The following DCC variants were observed in gnomAD, a reference collection of about 807,000 sequenced individuals.
The protein encoded by DCC is netrin receptor DCC.
Under a neutral mutation model 172.5 loss-of-function variants are expected in DCC, and 58 were observed. That is an observed-to-expected ratio of 0.34 (90% CI 0.27 to 0.42). The LOEUF is 0.42. Ranked by LOEUF, DCC falls within the 10% of genes least tolerant of loss-of-function variation. DCC has a pLI of 1.00. For synonymous variants in DCC, 709 were observed against 644.5 expected (o/e 1.10, Z -1.52); for missense variants, 1,740 against 1,791.0 (o/e 0.97, Z 0.51).
intron 5 of DCC, among the ~76,000 whole-genome samples, chr18:53,012,602 T>C (rs931577613): frequency 1.3e-5 from 2 of 152,078 alleles, no homozygotes; most frequent in South Asian, 4.1e-4. Context: ...TATACATAAA[T>C]ATACACACAC....
chr18:53,151,244 G>T (rs780004948), intron 7 of DCC, among the ~76,000 whole-genome samples: 3 of 152,176 alleles, frequency 2.0e-5, no homozygotes, highest in Admixed American at 1.3e-4. Context: ...AAACAGAATA[G>T]AAATCATTTA....
chr18:52,365,203 A>C, intron 1 of DCC, among the ~76,000 whole-genome samples: 1 of 152,322 alleles, frequency 6.6e-6, no homozygotes, highest in East Asian at 1.9e-4. Flanking sequence ...GTTTGGAAGA[A>C]GAGTGCTTTG....
intron 7 of DCC, among the ~76,000 whole-genome samples, chr18:53,109,091 T>A (rs2018688250): frequency 6.6e-6 from 1 of 151,470 alleles, no homozygotes; most frequent in Admixed American, 6.6e-5. Context: ...TTAGCCATTT[T>A]ATGGGCAGGT....
intron 12 of DCC, among the ~76,000 whole-genome samples, chr18:53,267,100 ACT>A (rs74180414): frequency 0.025 from 3,430 of 138,474 alleles, 135 homozygotes; most frequent in African/African-American, 0.078. Flanking sequence ...ACACACACAC[ACT>A]CTCTCTCTCA....
intron 8 of DCC, among the ~76,000 whole-genome samples, chr18:53,159,010 A>T (rs2054793541): frequency 6.8e-6 from 1 of 146,944 alleles, no homozygotes; most frequent in Admixed American, 6.7e-5. Flanking sequence ...AAAAAAGAAG[A>T]AGATGTAGGC....
At chr18:52,643,690 G>A (rs745665275) in intron 1 of DCC, among the ~76,000 whole-genome samples, 1 of 152,146 alleles carries the variant, frequency 6.6e-6, no homozygotes, top group Non-Finnish European at 1.5e-5. Context: ...TTCTCCTTGT[G>A]AAGTTGAAAC....
intron 1 of DCC, among the ~76,000 whole-genome samples, chr18:52,746,427 G>A (rs1312937929): frequency 1.3e-5 from 2 of 152,122 alleles, no homozygotes; most frequent in African/African-American, 2.4e-5. Flanking sequence ...TTCATTTTGA[G>A]CTTCTATTGC....
intron 15 of DCC, among the ~76,000 whole-genome samples, chr18:53,359,041 G>T (rs1450631154): frequency 2.6e-5 from 4 of 152,126 alleles, no homozygotes; most frequent in Non-Finnish European, 5.9e-5. Flanking sequence ...TCATCCTCAT[G>T]GGACGATATG....
At chr18:52,867,077 T>G (rs551085831) in intron 2 of DCC, among the ~76,000 whole-genome samples, 3 of 152,194 alleles carry the variant, frequency 2.0e-5, no homozygotes, top group African/African-American at 7.2e-5. Context: ...TTATTGAGAG[T>G]TTTTAGCATG....
intron 1 of DCC, among the ~76,000 whole-genome samples, chr18:52,437,672 A>C (rs1987840793): frequency 6.6e-6 from 1 of 152,186 alleles, no homozygotes; most frequent in African/African-American, 2.4e-5. Context: ...GTTTATTTTA[A>C]AATTGTATTT....
intron 7 of DCC, among the ~76,000 whole-genome samples, chr18:53,073,129 A>G (rs1299022788): frequency 6.6e-6 from 1 of 152,178 alleles, no homozygotes; most frequent in Non-Finnish European, 1.5e-5. Flanking sequence ...TTGTAGGCCT[A>G]CTATCTGCTA....
intron 12 of DCC, among the ~76,000 whole-genome samples, chr18:53,255,234 C>G (rs1004189675): frequency 2.0e-5 from 3 of 151,462 alleles, no homozygotes; most frequent in African/African-American, 7.3e-5. Flanking sequence ...TATTATTATA[C>G]TTTAAGTTTT....
intron 15 of DCC, among the ~76,000 whole-genome samples, chr18:53,374,487 A>G (rs899479203): frequency 1.3e-5 from 2 of 152,184 alleles, no homozygotes; most frequent in Non-Finnish European, 2.9e-5. Context: ...TTAGGTTAGC[A>G]TTTAGGTAAC....
intron 1 of DCC, among the ~76,000 whole-genome samples, chr18:52,543,435 GTGC>G (rs2032522660): frequency 6.6e-6 from 1 of 152,022 alleles, no homozygotes; most frequent in Non-Finnish European, 1.5e-5. Context: ...TGTCTAATTC[GTGC>G]TGTACTGAGT....
At chr18:52,964,022 G>A (rs1362171117) in intron 5 of DCC, among the ~76,000 whole-genome samples, 1 of 152,096 alleles carries the variant, frequency 6.6e-6, no homozygotes, top group Non-Finnish European at 1.5e-5. Context: ...GACTTTAATG[G>A]ATAGAGACAG....
At chr18:52,793,657 T>G (rs2037817890) in intron 2 of DCC, among the ~76,000 whole-genome samples, 1 of 152,228 alleles carries the variant, frequency 6.6e-6, no homozygotes, top group Non-Finnish European at 1.5e-5. Context: ...TAGTCTCATG[T>G]ATCTATTTTG....
At chr18:52,726,632 C>T (rs906544261) in intron 1 of DCC, among the ~76,000 whole-genome samples, 1 of 151,966 alleles carries the variant, frequency 6.6e-6, no homozygotes, top group African/African-American at 2.4e-5. Context: ...GCATTGAAAC[C>T]CAGGTCTCCC....
intron 5 of DCC, among the ~76,000 whole-genome samples, chr18:53,004,699 T>C (rs1364209290): frequency 6.6e-6 from 1 of 152,100 alleles, no homozygotes; most frequent in Non-Finnish European, 1.5e-5. Flanking sequence ...TTTGTTTGTT[T>C]GTTTGTTTGT....
At chr18:53,425,985 C>G (rs62098284) in intron 21 of DCC, among the ~76,000 whole-genome samples, 64,307 of 151,632 alleles carry the variant, frequency 0.42, 15,407 homozygotes, top group Non-Finnish European at 0.55. Context: ...AAATTCTAGA[C>G]CATTTTGCAG....
Sources: allele counts gnomAD v4.1 joint callset (sites outside exome capture counted in the v4.1 genomes callset), GRCh38; gene constraint gnomAD v4.1.1; transcripts MANE v1.5; gene names NCBI Gene and HGNC (gene_info 2026-07-23, HGNC 2026-07-21).